The following CTIF variants were observed in gnomAD, a reference collection of about 807,000 sequenced individuals.
CTIF encodes the protein cap binding complex dependent translation initiation factor.
CTIF carries 21 observed loss-of-function variants against 66.0 expected under a neutral mutation model. The observed-to-expected ratio is 0.32, with a 90% CI of 0.23 to 0.46. CTIF has a LOEUF of 0.46. Ranked by LOEUF, CTIF falls within the 20% of genes least tolerant of loss-of-function variation. The pLI, the probability that CTIF is intolerant of heterozygous loss-of-function variation, is 1.00. For missense variants in CTIF, 739 were observed against 812.7 expected (o/e 0.91, Z 1.10); for synonymous variants, 345 against 326.4 (o/e 1.06, Z -0.62).
chr18:48,856,196 G>T (rs1303866561), intron 10 of CTIF, among the ~76,000 whole-genome samples: 1 of 152,232 alleles, frequency 6.6e-6, no homozygotes. Flanking sequence ...CAGGCACTCG[G>T]TGTCAGCACA....
Position 48,765,706 on chromosome 18 carries a change from C to T in CTIF, c.1371+4017C>T, listed in dbSNP as rs1212735548. Among the ~76,000 whole-genome samples, 5 of 152,168 alleles carry T rather than the reference C, an allele frequency of 3.3e-5. No individual in the cohort carries two copies. The East Asian group carries it at 9.6e-4, about 29-fold the overall frequency. On this transcript the variant is annotated intron_variant, in intron 9 of 11. Coordinates refer to ENST00000256413, the MANE Select transcript of CTIF (RefSeq NM_014772.3). ...CCCTTCCCAGCCAGACTCAACACTG[C>T]TATCTCAAGGAACCCAGAAGCACCA...
intron 6 of CTIF, among the ~76,000 whole-genome samples, chr18:48,677,962 T>C (rs529031820): frequency 6.6e-6 from 1 of 152,290 alleles, no homozygotes; most frequent in African/African-American, 2.4e-5. Context: ...GTTTATTCTA[T>C]TATTATTTCA....
intron 1 of CTIF, among the ~76,000 whole-genome samples, chr18:48,592,607 G>A (rs989455992): frequency 5.3e-4 from 80 of 152,360 alleles, no homozygotes; most frequent in African/African-American, 1.7e-3. Flanking sequence ...GAAGCTGTGC[G>A]TGGGCAACCA....
intron 10 of CTIF, among the ~76,000 whole-genome samples, chr18:48,832,490 C>T (rs1329667630): frequency 1.3e-5 from 2 of 152,144 alleles, no homozygotes; most frequent in African/African-American, 4.8e-5. Flanking sequence ...AAGAGAAGGG[C>T]TGTGGCAGGG....
intron 2 of CTIF, among the ~76,000 whole-genome samples, chr18:48,621,285 G>A (rs2090488630): frequency 6.6e-6 from 1 of 152,024 alleles, no homozygotes; most frequent in Non-Finnish European, 1.5e-5. Context: ...CTGGCATGGA[G>A]GGGAGGGAGG....
chr18:48,848,017 A>C (rs1464921980), intron 10 of CTIF, among the ~76,000 whole-genome samples: 2 of 152,126 alleles, frequency 1.3e-5, no homozygotes, highest in East Asian at 3.9e-4. Context: ...CACAGGGTGG[A>C]TGGGCCAGCT....
rs530800492 is a variant in CTIF, at chr18:48,766,767, C to T, written c.1371+5078C>T. Among the ~76,000 whole-genome samples the T allele has an allele frequency of 1.4e-4, 22 of 152,176 alleles. No homozygotes were observed. In the South Asian group the frequency reaches 4.6e-3, roughly 32 times the overall value. The stretch of plus-strand genomic sequence containing the variant: ...CCGAGTCTGAGCTGGCAGGAGAACC[C>T]CATTACACAGGAGGCCTCAGCTGCT... On this transcript the variant is annotated intron_variant, in intron 9 of 11. Transcript: ENST00000256413.
At chr18:48,733,035 T>C (rs1405397842) in intron 7 of CTIF, among the ~76,000 whole-genome samples, 1 of 152,164 alleles carries the variant, frequency 6.6e-6, no homozygotes, top group Non-Finnish European at 1.5e-5. Context: ...AGGAGCGTTA[T>C]TTTGAGAGGC....
chr18:48,826,233 TG>T (rs2068579751), intron 10 of CTIF: 1 of 152,254 alleles, frequency 6.6e-6, no homozygotes, highest in Non-Finnish European at 1.5e-5. Context: ...ACTGTCAGTT[TG>T]TGTGTTGCTG....
At chr18:48,721,486 C>G (rs1026390732) in intron 7 of CTIF, among the ~76,000 whole-genome samples, 1 of 152,216 alleles carries the variant, frequency 6.6e-6, no homozygotes, top group Admixed American at 6.5e-5. Flanking sequence ...GCAACCTGGC[C>G]TCTGGCACCA....
rs567484138 is a variant in CTIF, at chr18:48,655,900, C to A, written c.253-7852C>A. Among the ~76,000 whole-genome samples the A allele has an allele frequency of 2.6e-5, 4 of 152,368 alleles. No homozygotes were observed. The East Asian group carries it at 7.7e-4, about 29-fold the overall frequency. On this transcript the variant is annotated intron_variant, in intron 3 of 11. Transcript: ENST00000256413. ...CATTACACACATGCCCCCACATATG[C>A]ACTTGCACAGCAAAAATCACTGCAC...
chr18:48,788,773 A>G (rs766953338), intron 9 of CTIF, among the ~76,000 whole-genome samples: 1 of 152,162 alleles, frequency 6.6e-6, no homozygotes, highest in Non-Finnish European at 1.5e-5. Context: ...GGAGGTCACT[A>G]CAGAAAAAAT....
intron 9 of CTIF, among the ~76,000 whole-genome samples, chr18:48,799,074 G>A (rs1428114496): frequency 2.0e-5 from 3 of 152,232 alleles, no homozygotes; most frequent in Admixed American, 6.5e-5. Flanking sequence ...GGTGAATGGT[G>A]CCAGCCAGCA....
At chr18:48,796,734 G>A (rs1293846035) in intron 9 of CTIF, among the ~76,000 whole-genome samples, 1 of 152,204 alleles carries the variant, frequency 6.6e-6, no homozygotes, top group Non-Finnish European at 1.5e-5. Flanking sequence ...CTGCCCAGGG[G>A]AGAAGGACTT....
At chr18:48,783,812 G>A (rs1911466217) in intron 9 of CTIF, among the ~76,000 whole-genome samples, 1 of 152,014 alleles carries the variant, frequency 6.6e-6, no homozygotes, top group African/African-American at 2.4e-5. Context: ...CTCCAGGCAA[G>A]CGCTGCCTGC....
chr18:48,548,065 G>C (rs1267348405), intron 1 of CTIF, among the ~76,000 whole-genome samples: 2 of 152,284 alleles, frequency 1.3e-5, no homozygotes, highest in South Asian at 4.1e-4. Context: ...TGTGTGCCTC[G>C]CTAAATGAAA....
intron 9 of CTIF, among the ~76,000 whole-genome samples, chr18:48,788,511 C>T (rs2067725516): frequency 1.5e-5 from 2 of 137,922 alleles, no homozygotes; most frequent in Non-Finnish European, 3.2e-5. Flanking sequence ...CTCCTATCTC[C>T]CTGTATCCCA....
chr18:48,758,427 T>C (rs1568193994), intron 8 of CTIF, 22 bp downstream of exon 8: 1 of 1,560,282 alleles, frequency 6.4e-7, no homozygotes, highest in Non-Finnish European at 8.7e-7. Flanking sequence ...TGAATTTTTG[T>C]TCTTCTCTTG....
chr18:48,607,802 G>C (rs10438975), intron 1 of CTIF, among the ~76,000 whole-genome samples: 17,635 of 152,212 alleles, frequency 0.12, 1,599 homozygotes, highest in African/African-American at 0.26. Context: ...ATGCACAGCC[G>C]AGTTTCTGCT....
Sources: allele counts gnomAD v4.1 joint callset (sites outside exome capture counted in the v4.1 genomes callset), GRCh38; gene constraint gnomAD v4.1.1; transcripts MANE v1.5; gene names NCBI Gene and HGNC (gene_info 2026-07-23, HGNC 2026-07-21).